PDSS2: variants seen among roughly 807,000 people sequenced by gnomAD.
The protein encoded by PDSS2 is decaprenyl diphosphate synthase subunit 2.
A neutral mutation model predicts 44.5 loss-of-function variants in PDSS2; 31 were observed. The ratio of observed to expected loss-of-function variants is 0.70; its 90% CI spans 0.52 to 0.94. PDSS2 has a LOEUF of 0.94. Among genes scored for constraint, PDSS2 ranks in the 40% least tolerant of loss-of-function variants. PDSS2 has a pLI of 0.00. For synonymous variants in PDSS2, 157 were observed against 180.3 expected (o/e 0.87, Z 1.03); for missense variants, 452 against 482.2 (o/e 0.94, Z 0.59).
At chr6:107,273,865 C>T (rs1775683588) in intron 3 of PDSS2, among the ~76,000 whole-genome samples, 164 bp downstream of exon 3, 1 of 152,076 alleles carries the variant, frequency 6.6e-6, no homozygotes, top group African/African-American at 2.4e-5. Flanking sequence ...TACACTTTGC[C>T]TGGTACTAAC....
intron 1 of PDSS2, among the ~76,000 whole-genome samples, chr6:107,402,552 T>TATAA (rs1357858952): frequency 3.4e-3 from 81 of 23,638 alleles, no homozygotes; most frequent in Middle Eastern, 0.05. Flanking sequence ...TATATATATA[T>TATAA]AAAAATATAT....
At chr6:107,172,065 G>C (rs1186922938) in intron 7 of PDSS2, among the ~76,000 whole-genome samples, 1 of 152,108 alleles carries the variant, frequency 6.6e-6, no homozygotes, top group South Asian at 2.1e-4. Flanking sequence ...AATTGTATAA[G>C]TGCAGTATCA....
intron 1 of PDSS2, among the ~76,000 whole-genome samples, chr6:107,420,263 C>A (rs1188281228): frequency 6.6e-6 from 1 of 152,156 alleles, no homozygotes. Flanking sequence ...AATAAAGTAC[C>A]GTCACCTTCT....
chr6:107,335,625 T>C (rs993408630), intron 1 of PDSS2, among the ~76,000 whole-genome samples: 1 of 152,218 alleles, frequency 6.6e-6, no homozygotes, highest in Non-Finnish European at 1.5e-5. Context: ...ATTTCTGCTA[T>C]ACCTGAGGCT....
At chr6:107,447,778 T>C (rs1290637332) in intron 1 of PDSS2, among the ~76,000 whole-genome samples, 2 of 152,198 alleles carry the variant, frequency 1.3e-5, no homozygotes, top group Admixed American at 6.5e-5. Context: ...GGGAACTCTG[T>C]GTGGGGGCTC....
chr6:107,212,079 C>T, intron 5 of PDSS2, 30 bp downstream of exon 5: 2 of 1,591,252 alleles, frequency 1.3e-6, no homozygotes, highest in Non-Finnish European at 1.7e-6. Context: ...TATTTAAGTA[C>T]TGAAAAAAGA....
At chr6:107,286,251 T>A (rs926457928) in intron 2 of PDSS2, among the ~76,000 whole-genome samples, 1 of 152,140 alleles carries the variant, frequency 6.6e-6, no homozygotes, top group Admixed American at 6.5e-5. Context: ...CTAACGCCTG[T>A]AATCCCAGCA....
chr6:107,276,984 AAAC>A (rs1397341600), intron 2 of PDSS2, among the ~76,000 whole-genome samples: 1 of 152,226 alleles, frequency 6.6e-6, no homozygotes, highest in Non-Finnish European at 1.5e-5. Flanking sequence ...CAGTCCAGCC[AAAC>A]AACAGAATTA....
intron 1 of PDSS2, among the ~76,000 whole-genome samples, chr6:107,394,875 C>A (rs1229554686): frequency 3.3e-5 from 5 of 152,178 alleles, no homozygotes; most frequent in Non-Finnish European, 5.9e-5. Context: ...TATTTACTCA[C>A]ATATTTAGCA....
intron 4 of PDSS2, among the ~76,000 whole-genome samples, chr6:107,233,204 T>C (rs889651497): frequency 5.9e-5 from 9 of 152,212 alleles, no homozygotes; most frequent in Non-Finnish European, 1.3e-4. Context: ...TCTGAAACAT[T>C]TTGAATTCTT....
intron 3 of PDSS2, among the ~76,000 whole-genome samples, chr6:107,272,681 T>A (rs1775642272): frequency 6.6e-6 from 1 of 152,156 alleles, no homozygotes. Context: ...TGGCAATATG[T>A]ATCAAGAATA....
At chr6:107,417,252 G>C (rs1780690520) in intron 1 of PDSS2, among the ~76,000 whole-genome samples, 1 of 152,012 alleles carries the variant, frequency 6.6e-6, no homozygotes, top group African/African-American at 2.4e-5. Flanking sequence ...ATGTAGCTCA[G>C]GGTAACTTTT....
In PDSS2 at chr6:107,429,901, AATATATATATATATAT is replaced by A. The variant is rs869061691; in HGVS notation, c.296+29073_296+29088del. 1.6e-4 allele frequency among the ~76,000 whole-genome samples: 5 copies of A among 31,840 alleles called. 1 individual carries two copies. The highest frequency in any genetic ancestry group is 2.6e-3 in the South Asian group (1 of 392). 20.9% of individuals were successfully genotyped at this position (31,840 alleles called of 152,430 possible). On this transcript the variant is annotated intron_variant, in intron 1 of 7. Transcript: ENST00000369037. ...CTTAGTCTCAAAAAAAAAAAAAAAA[AATATATATATATATAT>A]ATATATATATATATATATATACACC... is the stretch of plus-strand genomic sequence containing the variant.
At chr6:107,278,137 T>C (rs1775849851) in intron 2 of PDSS2, among the ~76,000 whole-genome samples, 1 of 152,114 alleles carries the variant, frequency 6.6e-6, no homozygotes, top group Non-Finnish European at 1.5e-5. Context: ...TCATGTCTAA[T>C]TGATTTCCTT....
chr6:107,401,339 C>A (rs1007066142), intron 1 of PDSS2, among the ~76,000 whole-genome samples: 1 of 152,062 alleles, frequency 6.6e-6, no homozygotes, highest in Non-Finnish European at 1.5e-5. Flanking sequence ...TATACAGTGT[C>A]TATACCAGTG....
At chr6:107,242,303 G>A (rs1233801454) in intron 4 of PDSS2, among the ~76,000 whole-genome samples, 5 of 151,688 alleles carry the variant, frequency 3.3e-5, no homozygotes, top group East Asian at 1.9e-4. Flanking sequence ...TTGCTCTGTC[G>A]CCCAGGCTGG....
chr6:107,229,924 G>A, intron 4 of PDSS2: 1 of 212,902 alleles, frequency 4.7e-6, no homozygotes, highest in Admixed American at 4.1e-5. Flanking sequence ...TGTTATATTT[G>A]TATTTGGATT....
chr6:107,345,294 A>C (rs1778207180), intron 1 of PDSS2, among the ~76,000 whole-genome samples: 1 of 149,720 alleles, frequency 6.7e-6, no homozygotes, highest in African/African-American at 2.5e-5. Context: ...AGAACTACTC[A>C]CTTTAATAGT....
chr6:107,329,857 A>G (rs1489175549), intron 2 of PDSS2, among the ~76,000 whole-genome samples: 1 of 151,988 alleles, frequency 6.6e-6, no homozygotes, highest in Non-Finnish European at 1.5e-5. Flanking sequence ...GTATAGAAGC[A>G]GGGTGCAGTG....
Sources: gnomAD v4.1 joint callset for allele counts (sites outside exome capture counted in the v4.1 genomes callset) on GRCh38, gnomAD v4.1.1 for gene constraint, MANE v1.5 for transcripts, NCBI Gene and HGNC (gene_info 2026-07-23, HGNC 2026-07-21) for gene names.